The following PRR16 variants were observed in gnomAD, a reference collection of about 807,000 sequenced individuals.
PRR16 encodes the protein protein Largen.
Under a neutral mutation model 18.2 loss-of-function variants are expected in PRR16, and 6 were observed. That is an observed-to-expected ratio of 0.33 (90% CI 0.18 to 0.65). The LOEUF (loss-of-function observed/expected upper bound fraction) is 0.65. PRR16 is among the 30% of genes least tolerant of loss of function. The pLI is 0.74. For synonymous variants in PRR16, 151 were observed against 147.8 expected (o/e 1.02, Z -0.16); for missense variants, 412 against 376.6 (o/e 1.09, Z -0.78).
chr5:120,626,250 C>T (rs1399793388), intron 1 of PRR16, among the ~76,000 whole-genome samples: 1 of 152,012 alleles, frequency 6.6e-6, no homozygotes, highest in Non-Finnish European at 1.5e-5. Flanking sequence ...ATATGATATA[C>T]CTATACAATG....
At chr5:120,703,198 G>A in the PRR16 span, among the ~76,000 whole-genome samples, 1 of 152,144 alleles carries the variant, frequency 6.6e-6, no homozygotes, top group African/African-American at 2.4e-5. Context: ...TTTTGAGCCA[G>A]GATGAGCCAG....
intron 1 of PRR16, among the ~76,000 whole-genome samples, chr5:120,640,147 G>T (rs181876744): frequency 1.4e-4 from 22 of 152,074 alleles, no homozygotes; most frequent in Admixed American, 9.8e-4. Flanking sequence ...GAGGGGGTAG[G>T]GTAGCAGGTA....
intron 1 of PRR16, among the ~76,000 whole-genome samples, chr5:120,605,628 C>T (rs190870209): frequency 1.3e-5 from 2 of 152,296 alleles, no homozygotes; most frequent in Admixed American, 1.3e-4. Context: ...ATGCTGACTC[C>T]TTCCCATCTG....
chr5:120,652,372 A>G (rs889050484), intron 1 of PRR16, among the ~76,000 whole-genome samples: 3 of 152,140 alleles, frequency 2.0e-5, no homozygotes, highest in African/African-American at 7.2e-5. Context: ...TTTAGTATGT[A>G]TTACTTTCTT....
At chr5:120,639,138 T>C (rs983103965) in intron 1 of PRR16, among the ~76,000 whole-genome samples, 9 of 152,126 alleles carry the variant, frequency 5.9e-5, no homozygotes, top group African/African-American at 2.2e-4. Flanking sequence ...TTTTGTTGCT[T>C]AGTCATCTTA....
the PRR16 span, among the ~76,000 whole-genome samples, chr5:120,765,832 GTC>G: frequency 6.6e-6 from 1 of 151,800 alleles, no homozygotes; most frequent in African/African-American, 2.4e-5. Context: ...GTTTAGTTTT[GTC>G]TGTTTTATAC....
chr5:120,470,554 A>G (rs1354235265), intron 1 of PRR16, among the ~76,000 whole-genome samples: 1 of 152,166 alleles, frequency 6.6e-6, no homozygotes, highest in Non-Finnish European at 1.5e-5. Flanking sequence ...CAGATTTGCT[A>G]TAAGTTACTT....
chr5:120,653,294 A>C lies in PRR16; in HGVS notation c.160-32660A>C, dbSNP rs117600106. Among the ~76,000 whole-genome samples the C allele has an allele frequency of 8.3e-4, 124 of 149,796 alleles. 2 individuals carry two copies. The East Asian group carries it at 0.022, about 27-fold the overall frequency. On this transcript the variant is annotated intron_variant, in intron 1 of 1. Transcript: ENST00000407149. The stretch of plus-strand genomic sequence containing the variant: ...TATTTGTCTGTATATATAATTCAAT[A>C]AAAGTAAAAAAAAAAAGTATTTTTT...
chr5:120,638,495 G>A (rs1027459457), intron 1 of PRR16, among the ~76,000 whole-genome samples: 8 of 152,060 alleles, frequency 5.3e-5, no homozygotes, highest in African/African-American at 1.9e-4. Flanking sequence ...TGTTTGAAAT[G>A]TTCCATTTAT....
the PRR16 span, among the ~76,000 whole-genome samples, chr5:120,743,356 C>T: frequency 6.6e-6 from 1 of 151,684 alleles, no homozygotes; most frequent in African/African-American, 2.4e-5. Context: ...AAGAAAGTCT[C>T]ACCACTGGTA....
At chr5:120,763,116 TTC>T in the PRR16 span, among the ~76,000 whole-genome samples, 1 of 151,818 alleles carries the variant, frequency 6.6e-6, no homozygotes, top group African/African-American at 2.4e-5. Flanking sequence ...GGATTGTTTA[TTC>T]TGTTCCTTTT....
chr5:120,633,765 CAATAATAGTGGAGGA>C (rs1561584696), intron 1 of PRR16, among the ~76,000 whole-genome samples: 2 of 149,960 alleles, frequency 1.3e-5, no homozygotes, highest in Non-Finnish European at 3.0e-5. Context: ...GACAGCAACA[CAATAATAGTGGAGGA>C]CCAAATTTGT....
At chr5:120,505,896 T>C (rs1194445256) in intron 1 of PRR16, among the ~76,000 whole-genome samples, 1 of 151,146 alleles carries the variant, frequency 6.6e-6, no homozygotes, top group Non-Finnish European at 1.5e-5. Flanking sequence ...GAGTAATATG[T>C]ATATATATAC....
chr5:120,659,535 G>T (rs1490095813), intron 1 of PRR16, among the ~76,000 whole-genome samples: 1 of 151,958 alleles, frequency 6.6e-6, no homozygotes, highest in Non-Finnish European at 1.5e-5. Flanking sequence ...AGGTAATTGG[G>T]ATATCTATCA....
At chr5:120,484,791 A>G (rs1749738705) in intron 1 of PRR16, among the ~76,000 whole-genome samples, 1 of 150,846 alleles carries the variant, frequency 6.6e-6, no homozygotes, top group Non-Finnish European at 1.5e-5. Flanking sequence ...AAAATGTGTC[A>G]TATATATTTT....
chr5:120,762,221 G>GATAA, the PRR16 span, among the ~76,000 whole-genome samples: 1 of 152,018 alleles, frequency 6.6e-6, no homozygotes, highest in Non-Finnish European at 1.5e-5. Flanking sequence ...CCTTTCCTTG[G>GATAA]ATAAATATCC....
the PRR16 span, among the ~76,000 whole-genome samples, chr5:120,777,432 GTAT>G: frequency 6.6e-6 from 1 of 151,778 alleles, no homozygotes; most frequent in African/African-American, 2.4e-5. Context: ...CTCAAATTTG[GTAT>G]TTTTTAGCAA....
At chr5:120,739,069 T>C in the PRR16 span, among the ~76,000 whole-genome samples, 8 of 152,058 alleles carry the variant, frequency 5.3e-5, no homozygotes, top group South Asian at 6.2e-4. Context: ...TAAATGTAAA[T>C]TGAAATAAAT....
chr5:120,734,780 C>T, the PRR16 span, among the ~76,000 whole-genome samples: 10 of 152,094 alleles, frequency 6.6e-5, no homozygotes, highest in African/African-American at 2.4e-4. Flanking sequence ...AAGTTTAAAA[C>T]AATGTTACAG....
Sources: allele counts gnomAD v4.1 joint callset (sites outside exome capture counted in the v4.1 genomes callset), GRCh38; gene constraint gnomAD v4.1.1; transcripts MANE v1.5; gene names NCBI Gene and HGNC (gene_info 2026-07-23, HGNC 2026-07-21).